The following MYO7A variants were observed in gnomAD, a reference collection of about 807,000 sequenced individuals.
MYO7A encodes myosin VIIA.
A neutral mutation model predicts 263.8 loss-of-function variants in MYO7A; 210 were observed. That is an observed-to-expected ratio of 0.80 (90% confidence interval 0.71 to 0.89). The LOEUF is 0.89. Ranked by LOEUF, MYO7A falls within the 40% of genes least tolerant of loss-of-function variation. The pLI is 0.00. For missense variants in MYO7A, 2,820 were observed against 2,968.3 expected (o/e 0.95, Z 1.16); for synonymous variants, 1,239 against 1,197.3 (o/e 1.03, Z -0.72).
Position 77,181,460 on chromosome 11 carries a change from C to A in MYO7A, c.2775C>A (p.Leu925=), listed in dbSNP as rs1555084189. Reference sequence around the variant, plus strand: ...AGGCCGCTCGGCGGAAGAAGGAGCTCCTGGAGCAGATGGAAAGGGCCCGCC... The same window carrying A: ...AGGCCGCTCGGCGGAAGAAGGAGCTACTGGAGCAGATGGAAAGGGCCCGCC... ...EKEAARRKKE[L]LEQMERARHE... is the part of the protein sequence containing the mutation. Residue 925 remains leucine (L), a synonymous_variant, in exon 23 of 49, where the codon CTC becomes CTA. Coordinates refer to ENST00000409709, the MANE Select transcript of MYO7A (RefSeq NM_000260.4). The A allele has an allele frequency of 6.2e-7, 1 of 1,610,902 alleles. No homozygotes were observed. Among genetic ancestry groups the A allele is most frequent in the Admixed American group, 1.7e-5 (1 of 59,644 alleles).
At chr11:77,140,524 C>G (rs1430525121) in intron 2 of MYO7A, among the ~76,000 whole-genome samples, 1 of 152,230 alleles carries the variant, frequency 6.6e-6, no homozygotes, top group Non-Finnish European at 1.5e-5. Flanking sequence ...CAAGCGAACA[C>G]GCTCCCCACC....
intron 4 of MYO7A, 53 bp from the exon 5 acceptor site, chr11:77,155,854 G>A: frequency 1.3e-6 from 2 of 1,498,894 alleles, no homozygotes; most frequent in Non-Finnish European, 1.8e-6. Flanking sequence ...GCTTTCTAGA[G>A]TCAGAGTCTC....
At position 77,182,063 on chromosome 11, in the gene MYO7A, C is replaced by T; in HGVS notation, c.3017C>T (p.Ala1006Val). 6.2e-7 allele frequency: 1 copy of T among 1,613,336 alleles called. No individual in the cohort carries two copies. The highest frequency in any genetic ancestry group is 1.1e-5 in the South Asian group (1 of 91,078). The change falls in exon 24 of 49, where the codon GCC becomes GTC. Residue 1006 changes from alanine (A) to valine (V), a missense_variant. Coordinates refer to ENST00000409709, the MANE Select transcript of MYO7A (RefSeq NM_000260.4). Reference sequence around the variant, plus strand: ...GAGTATAAATTTGCCAAGTTCGCGGCCACCTACTTCCAGGGGACAACCACG... The same window carrying T: ...GAGTATAAATTTGCCAAGTTCGCGGTCACCTACTTCCAGGGGACAACCACG... ...LSEYKFAKFAATYFQGTTTHS... is the reference protein window; with the variant it reads ...LSEYKFAKFAVTYFQGTTTHS...
In MYO7A at chr11:77,160,159, C is replaced by A. The variant is rs2135277163; in HGVS notation, c.1081-4C>A. 18 of 1,555,204 alleles carry A rather than the reference C, an allele frequency of 1.2e-5. No homozygotes were observed. The highest frequency in any genetic ancestry group is 1.6e-5 in the Non-Finnish European group (18 of 1,150,118). On this transcript the variant is annotated splice_polypyrimidine_tract_variant and splice_region_variant and intron_variant, in intron 10 of 48. Coordinates refer to ENST00000409709, the MANE Select transcript of MYO7A (RefSeq NM_000260.4). The stretch of plus-strand genomic sequence containing the variant: ...GTGAGCACCTGGGGTGTTGCCTGTA[C>A]CAGGTGAACCCCCCAGACCTGATGA...
At position 77,205,505 on chromosome 11, in the gene MYO7A, G is replaced by A. The variant is rs1315751763; in HGVS notation, c.5524G>A (p.Gly1842Ser). 1 of 1,598,070 alleles carries A rather than the reference G, an allele frequency of 6.3e-7. No homozygotes were observed. The highest frequency in any genetic ancestry group is 1.1e-5 in the South Asian group (1 of 87,980). ...RGWELLWLCT[G>S]LFPPSNILLP... ...TTGGGAGCTGCTCTGGCTGTGCACG[G>A]GCCTTTTCCCACCCAGCAACATCCT... The change falls in exon 40 of 49, where the codon GGC becomes AGC. Residue 1842 changes from glycine (G) to serine (S), a missense_variant. By Grantham distance (56) the Gly-to-Ser change is moderately conservative (BLOSUM62 0). Coordinates refer to ENST00000409709, the MANE Select transcript of MYO7A (RefSeq NM_000260.4).
At chr11:77,178,575 G>C (rs895450778) in intron 19 of MYO7A, among the ~76,000 whole-genome samples, 1 of 152,084 alleles carries the variant, frequency 6.6e-6, no homozygotes, top group South Asian at 2.1e-4. Flanking sequence ...CATGGTCTCT[G>C]TCCTCTATCA....
chr11:77,145,658 G>A (rs573305590), intron 3 of MYO7A, among the ~76,000 whole-genome samples: 27 of 152,296 alleles, frequency 1.8e-4, no homozygotes, highest in Admixed American at 1.4e-3. Flanking sequence ...TGTTCCACAC[G>A]GGACTGGAAA....
In MYO7A at chr11:77,214,969, C is replaced by A. The variant is rs950127651; in HGVS notation, c.*273C>A. 9.1e-6 allele frequency: 4 copies of A among 438,618 alleles called. No individual in the cohort carries two copies. In the Admixed American group the frequency reaches 1.1e-4, roughly 12 times the overall value. The allele number at this position is 438,618 out of a possible 1,614,324, so 27.2% of individuals were successfully genotyped here. ...CTTCCCGGTTGTGAGAGCCTGTGAT[C>A]CTTAGATGTGTCTCCTGTTTCAGAC... On this transcript the variant is annotated 3_prime_UTR_variant, in exon 49 of 49. Coordinates refer to ENST00000409709, the MANE Select transcript of MYO7A (RefSeq NM_000260.4).
In MYO7A at chr11:77,181,986, G is replaced by T. The variant is rs782348854; in HGVS notation, c.2940G>T (p.Glu980Asp). Residue 980 changes from glutamate (E) to aspartate (D), a missense_variant, in exon 24 of 49, where the codon GAG becomes GAT. By Grantham distance (45) the Glu-to-Asp change is conservative (BLOSUM62 2). Transcript: ENST00000409709. ...LERGRREMVE[E>D]DLDAALPLPD... ...GAGGGCGGAGGGAGATGGTGGAGGAGGACCTGGATGCAGCCCTGCCCCTGC... is the reference window on the plus strand; with the variant it reads ...GAGGGCGGAGGGAGATGGTGGAGGATGACCTGGATGCAGCCCTGCCCCTGC... 20 of 1,613,256 alleles carry T rather than the reference G, an allele frequency of 1.2e-5. No individual in the cohort carries two copies. The highest frequency in any genetic ancestry group is 1.4e-5 in the Non-Finnish European group (16 of 1,179,762).
In MYO7A at chr11:77,205,598, C is replaced by T. The variant is rs397516321; in HGVS notation, c.5617C>T (p.Arg1873Trp). 16 of 1,613,400 alleles carry T rather than the reference C, an allele frequency of 9.9e-6. No individual in the cohort carries two copies. Among genetic ancestry groups the T allele is most frequent in the Middle Eastern group, 1.6e-4 (1 of 6,082 alleles). ...CCCACTCGCCATCGACTGCCTGCAA[C>T]GGCTCCAGAAAGCCCTGAGGTACAG... ...HCPLAIDCLQ[R>W]LQKALRNGSR... is the part of the protein sequence containing the mutation. The change falls in exon 40 of 49, where the codon CGG becomes TGG. Residue 1873 changes from arginine to tryptophan, a missense_variant. By Grantham distance (101) the Arg-to-Trp change is moderately radical. Transcript: ENST00000409709.
At chr11:77,148,053 G>A (rs1591226981) in intron 4 of MYO7A, 103 bp downstream of exon 4, 2 of 1,108,570 alleles carry the variant, frequency 1.8e-6, no homozygotes, top group South Asian at 3.5e-5. Context: ...CCCTGCCGGG[G>A]CCCTGCCTCC....
At chr11:77,163,626 A>G (rs1040757814) in intron 14 of MYO7A, among the ~76,000 whole-genome samples, 5 of 152,196 alleles carry the variant, frequency 3.3e-5, no homozygotes, top group Non-Finnish European at 1.5e-5. Flanking sequence ...AGCCACCACT[A>G]TTGTATCTGC....
At chr11:77,197,703 C>T (rs1381766287) in intron 33 of MYO7A, 105 bp downstream of exon 33, 5 of 641,202 alleles carry the variant, frequency 7.8e-6, no homozygotes, top group Non-Finnish European at 1.4e-5. Flanking sequence ...CAGTCCCTTG[C>T]TCTGTAGCTC....
intron 8 of MYO7A, among the ~76,000 whole-genome samples, chr11:77,157,914 G>A (rs564181790): frequency 6.6e-6 from 1 of 152,316 alleles, no homozygotes; most frequent in East Asian, 1.9e-4. Context: ...TGCCTAGGGG[G>A]TCGAGTCCCT....
rs2135288672 is a variant in MYO7A, at chr11:77,161,065, G to T, written c.1293G>T (p.Arg431Ser). The T allele has an allele frequency of 6.2e-7, 1 of 1,613,986 alleles. No individual in the cohort carries two copies. Among genetic ancestry groups the T allele is most frequent in the Non-Finnish European group, 8.5e-7 (1 of 1,179,886 alleles). ...PPSQDVKNSR[R>S]SIGLLDIFGF... ...CCCAGGATGTGAAGAACTCTCGCAG[G>T]TCCATCGGCCTCCTGGACATCTTTG... is the stretch of plus-strand genomic sequence containing the variant. Residue 431 changes from arginine to serine, a missense_variant, in exon 12 of 49, where the codon AGG becomes AGT. Physicochemically the swap from Arg to Ser is moderately radical, Grantham distance 110. Transcript: ENST00000409709.
intron 45 of MYO7A, 85 bp from the exon 46 acceptor site, chr11:77,211,736 G>A (rs959588133): frequency 4.9e-5 from 51 of 1,037,368 alleles, no homozygotes; most frequent in Non-Finnish European, 7.0e-5. Context: ...GGTGGTGTGG[G>A]GAGGACTCTG....
intron 19 of MYO7A, among the ~76,000 whole-genome samples, chr11:77,178,476 T>C (rs1555081723): frequency 7.3e-6 from 1 of 137,884 alleles, no homozygotes; most frequent in Non-Finnish European, 1.6e-5. Context: ...CTCCAAGCAT[T>C]GACTTATTGG....
In MYO7A at chr11:77,208,788, C is replaced by T. The variant is rs1411590199; in HGVS notation, c.6036C>T (p.Ile2012=). ...VPGKDPMADS[I]FHYYQELPKY... Reference sequence around the variant, plus strand: ...GGAAGGATCCCATGGCCGATTCCATCTTCCACTATTACCAGGTGGGCACCT... The same window carrying T: ...GGAAGGATCCCATGGCCGATTCCATTTTCCACTATTACCAGGTGGGCACCT... The change falls in exon 44 of 49, where the codon ATC becomes ATT. Residue 2012 remains isoleucine, a synonymous_variant. Coordinates refer to ENST00000409709, the MANE Select transcript of MYO7A (RefSeq NM_000260.4). 1 of 1,566,360 alleles carries T rather than the reference C, an allele frequency of 6.4e-7. No individual in the cohort carries two copies. The highest frequency in any genetic ancestry group is 8.7e-7 in the Non-Finnish European group (1 of 1,154,836).
intron 22 of MYO7A, 87 bp from the exon 23 acceptor site, chr11:77,181,293 G>T: frequency 7.9e-7 from 1 of 1,270,938 alleles, no homozygotes; most frequent in Non-Finnish European, 1.1e-6. Context: ...CCTGGCTGCT[G>T]CAGGGGCTCC....
Sources: gnomAD v4.1 joint callset for allele counts (sites outside exome capture counted in the v4.1 genomes callset) on GRCh38, gnomAD v4.1.1 for gene constraint, MANE v1.5 for transcripts, NCBI Gene and HGNC (gene_info 2026-07-23, HGNC 2026-07-21) for gene names.